Variants in IL23R observed in about 807,000 individuals in gnomAD.
IL23R encodes the protein interleukin 23 receptor.
In IL23R, 34 loss-of-function variants were observed where a neutral mutation model predicts 56.9. That is an observed-to-expected ratio of 0.60 (90% CI 0.45 to 0.80). IL23R has a LOEUF of 0.80. Ranked by LOEUF, IL23R falls within the 30% of genes least tolerant of loss-of-function variation. The pLI is 0.00. For missense variants in IL23R, 635 were observed against 730.0 expected (o/e 0.87, Z 1.50); for synonymous variants, 230 against 249.2 (o/e 0.92, Z 0.73).
intron 5 of IL23R, among the ~76,000 whole-genome samples, chr1:67,205,873 ATCTTTCTTTCTTTCTTTCTTTCTTTCTT>A (rs200498214): frequency 2.2e-5 from 3 of 139,110 alleles, no homozygotes; most frequent in Non-Finnish European, 3.1e-5. Flanking sequence ...TTGAACATCC[ATCTTTCTTTCTTTCTTTCTTTCTTTCTT>A]TCTTTCTTTC....
chr1:67,201,551 C>CAAAAAAAA (rs1231175917), intron 5 of IL23R, among the ~76,000 whole-genome samples: 1 of 85,382 alleles, frequency 1.2e-5, no homozygotes. Context: ...CTAGGGAAGG[C>CAAAAAAAA]AAAAAAAAAA....
chr1:67,234,707 C>CTTTTTT (rs5774860), intron 7 of IL23R, among the ~76,000 whole-genome samples: 9 of 117,554 alleles, frequency 7.7e-5, no homozygotes, highest in East Asian at 2.4e-4. Flanking sequence ...TATTTTTACT[C>CTTTTTT]TTTTTTTTTT....
intron 7 of IL23R, among the ~76,000 whole-genome samples, chr1:67,233,024 G>A (rs766077656): frequency 6.6e-6 from 1 of 151,858 alleles, no homozygotes; most frequent in Admixed American, 6.6e-5. Context: ...ATGTGGAACT[G>A]TGAGTCAATT....
intron 5 of IL23R, among the ~76,000 whole-genome samples, chr1:67,203,287 C>T (rs6588249): frequency 0.32 from 48,858 of 151,892 alleles, 8,292 homozygotes; most frequent in East Asian, 0.59. Flanking sequence ...AAATGATTTG[C>T]GCAAAGTCAC....
rs1558254297 is a variant in IL23R at position 67,228,095 on chromosome 1, TTTC to T, written c.955+8368_955+8370del. The stretch of plus-strand genomic sequence containing the variant: ...TCTCTTTCTTTCTTTTCTTTCTTTC[TTTC>T]TTTCTTTCTCTCTCTTTCTTTCTTT... On this transcript the variant is annotated intron_variant, in intron 7 of 10. Transcript: ENST00000347310. 1.8e-4 allele frequency among the ~76,000 whole-genome samples: 14 copies of T among 77,300 alleles called. 1 individual carries two copies. Among genetic ancestry groups the T allele is most frequent in the Admixed American group, 1.0e-3 (6 of 5,914 alleles). 50.7% of individuals were successfully genotyped at this position (77,300 alleles called of 152,430 possible). A position where few individuals can be genotyped will look rare whatever the true frequency, so the allele number is the denominator to read the frequency against.
chr1:67,224,117 CT>C (rs1187664706), intron 7 of IL23R, among the ~76,000 whole-genome samples: 2 of 152,152 alleles, frequency 1.3e-5, no homozygotes, highest in East Asian at 1.9e-4. Context: ...ACAAAATTCC[CT>C]GCCTTGGACA....
In IL23R at chr1:67,228,033, T is replaced by TC. The variant is rs1363828851; in HGVS notation, c.955+8303_955+8304insC. On this transcript the variant is annotated intron_variant, in intron 7 of 10. Coordinates refer to ENST00000347310, the MANE Select transcript of IL23R (RefSeq NM_144701.3). ...TTCTTTCTTTCTTCCTTTCTTTCTT[T>TC]TCTTTCTTTCTCTTTCTTTCTTTCT... 4.3e-3 allele frequency among the ~76,000 whole-genome samples: 343 copies of TC among 79,826 alleles called. 76 individuals carry two copies. The highest frequency in any genetic ancestry group is 8.7e-3 in the Admixed American group (63 of 7,244). The allele number at this position is 79,826 out of a possible 152,430, so 52.4% of individuals were successfully genotyped here.
At chr1:67,256,462 A>G (rs1397247711) in intron 10 of IL23R, among the ~76,000 whole-genome samples, 1 of 152,186 alleles carries the variant, frequency 6.6e-6, no homozygotes, top group African/African-American at 2.4e-5. Context: ...CACACCAGGA[A>G]GCCCCTGAGG....
At chr1:67,144,489 A>G (rs768920173) in intron 1 of IL23R, among the ~76,000 whole-genome samples, 1 of 152,236 alleles carries the variant, frequency 6.6e-6, no homozygotes, top group African/African-American at 2.4e-5. Context: ...TTATAGTCAC[A>G]TGTCTTCTTA....
intron 3 of IL23R, among the ~76,000 whole-genome samples, chr1:67,179,238 A>T (rs1432368757): frequency 6.6e-6 from 1 of 152,148 alleles, no homozygotes; most frequent in Non-Finnish European, 1.5e-5. Flanking sequence ...CTGTGAATCC[A>T]TCTGGTCCTG....
chr1:67,207,650 C>G (rs745632475), intron 6 of IL23R: 1 of 399,082 alleles, frequency 2.5e-6, no homozygotes. Context: ...GTAAGAAGAG[C>G]CTTTTGCCTC....
intron 6 of IL23R, among the ~76,000 whole-genome samples, chr1:67,208,814 G>A (rs1649257147): frequency 6.6e-6 from 1 of 152,078 alleles, no homozygotes; most frequent in Non-Finnish European, 1.5e-5. Context: ...TGAGAAGAGG[G>A]CCACCATCCT....
intron 4 of IL23R, among the ~76,000 whole-genome samples, chr1:67,191,995 C>G (rs1318306286): frequency 6.6e-6 from 1 of 152,092 alleles, no homozygotes; most frequent in Admixed American, 6.6e-5. Flanking sequence ...GGAAGATTAT[C>G]TTCAAATTTG....
intron 9 of IL23R, among the ~76,000 whole-genome samples, chr1:67,252,570 G>A (rs754562720): frequency 1.3e-5 from 2 of 152,148 alleles, no homozygotes; most frequent in African/African-American, 4.8e-5. Flanking sequence ...CACTCTGAGA[G>A]ATCAAAGGAC....
intron 4 of IL23R, among the ~76,000 whole-genome samples, chr1:67,198,723 G>A (rs1290006545): frequency 2.6e-5 from 4 of 152,188 alleles, no homozygotes; most frequent in Admixed American, 6.5e-5. Flanking sequence ...GACGGGCAGA[G>A]TGCTTGAGTT....
Position 67,237,717 on chromosome 1 carries a change from G to A in IL23R, c.1045+915G>A, listed in dbSNP as rs774639369. Among the ~76,000 whole-genome samples, 36 of 152,168 alleles carry A rather than the reference G, an allele frequency of 2.4e-4. 1 individual carries two copies. The highest frequency in any genetic ancestry group is 4.0e-4 in the Non-Finnish European group (27 of 68,022). The stretch of plus-strand genomic sequence containing the variant: ...ATTGAGATCTGGTTGTACAATGGGT[G>A]AACATAACTCTAAATAGAAATTTCG... On this transcript the variant is annotated intron_variant, in intron 8 of 10. Coordinates refer to ENST00000347310, the MANE Select transcript of IL23R (RefSeq NM_144701.3).
intron 8 of IL23R, among the ~76,000 whole-genome samples, chr1:67,238,805 A>T (rs1651665482): frequency 6.6e-6 from 1 of 152,190 alleles, no homozygotes. Context: ...TAGTTGCTTC[A>T]AATAGTCAGA....
At position 67,219,624 on chromosome 1, in the gene IL23R, C is replaced by T. The variant is rs1478707562; in HGVS notation, c.849C>T (p.Tyr283=). 1.2e-6 allele frequency: 2 copies of T among 1,613,918 alleles called. No individual in the cohort carries two copies. The highest frequency in any genetic ancestry group is 1.3e-5 in the African/African-American group (1 of 74,918). The stretch of plus-strand genomic sequence containing the variant: ...CATATGTGCAACAGTCAGAATTCTA[C>T]TTGGAGCCAAACATTAAGTACGTAT... ...NFTYVQQSEF[Y]LEPNIKYVFQ... The change falls in exon 7 of 11, where the codon TAC becomes TAT. Residue 283 remains tyrosine, a synonymous_variant. Transcript: ENST00000347310.
chr1:67,221,370 A>G (rs1026669200), intron 7 of IL23R, among the ~76,000 whole-genome samples: 2 of 152,212 alleles, frequency 1.3e-5, no homozygotes, highest in African/African-American at 2.4e-5. Context: ...CAAAACAATC[A>G]TATCAATAAA....
Sources: gnomAD v4.1 joint callset for allele counts (sites outside exome capture counted in the v4.1 genomes callset) on GRCh38, gnomAD v4.1.1 for gene constraint, MANE v1.5 for transcripts, NCBI Gene and HGNC (gene_info 2026-07-23, HGNC 2026-07-21) for gene names.